The following MSI2 variants were observed in gnomAD, a reference collection of about 807,000 sequenced individuals.
The protein encoded by MSI2 is musashi RNA binding protein 2.
A neutral mutation model predicts 45.6 loss-of-function variants in MSI2; 17 were observed. The ratio of observed to expected loss-of-function variants is 0.37; its 90% CI spans 0.26 to 0.56. The LOEUF (loss-of-function observed/expected upper bound fraction) is 0.56. MSI2 is among the 20% of genes least tolerant of loss of function. MSI2 has a pLI of 0.77. For missense variants in MSI2, 293 were observed against 444.2 expected, an observed-to-expected ratio of 0.66 and a Z score of 3.06; for synonymous variants, 156 against 158.2, an observed-to-expected ratio of 0.99 and a Z score of 0.11.
At chr17:57,437,454 G>A (rs996381607) in intron 6 of MSI2, among the ~76,000 whole-genome samples, 3 of 152,166 alleles carry the variant, frequency 2.0e-5, no homozygotes, top group African/African-American at 7.2e-5. Context: ...GTCATTCCTG[G>A]GGATGATGGT....
the MSI2 span, among the ~76,000 whole-genome samples, chr17:57,696,354 A>G: frequency 6.6e-6 from 1 of 152,214 alleles, no homozygotes; most frequent in Non-Finnish European, 1.5e-5. Context: ...AACCAGAGCA[A>G]TCAAACATTT....
intron 5 of MSI2, among the ~76,000 whole-genome samples, chr17:57,276,224 C>T (rs1311561566): frequency 6.6e-6 from 1 of 152,216 alleles, no homozygotes; most frequent in African/African-American, 2.4e-5. Flanking sequence ...GCAGGTTACA[C>T]ATCCAAGTCC....
At chr17:57,656,962 G>A (rs1911641089) in intron 11 of MSI2, among the ~76,000 whole-genome samples, 1 of 152,212 alleles carries the variant, frequency 6.6e-6, no homozygotes, top group South Asian at 2.1e-4. Context: ...TGAGTGAGTA[G>A]TGCCTGCCTC....
chr17:57,675,820 T>C (rs1864507147), intron 12 of MSI2, among the ~76,000 whole-genome samples: 1 of 152,222 alleles, frequency 6.6e-6, no homozygotes, highest in Non-Finnish European at 1.5e-5. Flanking sequence ...ATATTTGTAA[T>C]GCTCTGTGGT....
chr17:57,435,236 G>A (rs1244024021), intron 6 of MSI2, among the ~76,000 whole-genome samples: 1 of 152,194 alleles, frequency 6.6e-6, no homozygotes, highest in Non-Finnish European at 1.5e-5. Flanking sequence ...GGCCAGCTGT[G>A]TGCAGATATG....
At chr17:57,673,200 C>T (rs149652652) in intron 11 of MSI2, among the ~76,000 whole-genome samples, 238 of 152,302 alleles carry the variant, frequency 1.6e-3, no homozygotes, top group African/African-American at 5.4e-3. Flanking sequence ...GCCTTGGGTG[C>T]CTCATCAATC....
At chr17:57,454,163 A>C (rs1351302060) in intron 6 of MSI2, among the ~76,000 whole-genome samples, 1 of 152,188 alleles carries the variant, frequency 6.6e-6, no homozygotes, top group Non-Finnish European at 1.5e-5. Flanking sequence ...ACATTGGCTC[A>C]GTATGTTATT....
At chr17:57,617,316 T>C (rs906248590) in intron 9 of MSI2, among the ~76,000 whole-genome samples, 2 of 152,146 alleles carry the variant, frequency 1.3e-5, no homozygotes, top group South Asian at 2.1e-4. Flanking sequence ...CTAAAACTTA[T>C]CCCTGGAAGA....
intron 6 of MSI2, among the ~76,000 whole-genome samples, chr17:57,435,046 A>G (rs2084666566): frequency 6.6e-6 from 1 of 152,218 alleles, no homozygotes; most frequent in Non-Finnish European, 1.5e-5. Flanking sequence ...TTTGCTATGA[A>G]GAAAATTTCC....
intron 5 of MSI2, among the ~76,000 whole-genome samples, chr17:57,352,876 C>T (rs762652400): frequency 6.6e-6 from 1 of 152,186 alleles, no homozygotes; most frequent in African/African-American, 2.4e-5. Flanking sequence ...CCCTGCTGGG[C>T]ACTGAGCAAT....
chr17:57,465,349 G>A (rs1353735486), intron 6 of MSI2, among the ~76,000 whole-genome samples: 1 of 151,966 alleles, frequency 6.6e-6, no homozygotes, highest in Non-Finnish European at 1.5e-5. Context: ...ATGAGAGTCA[G>A]CTCACATCAC....
intron 6 of MSI2, among the ~76,000 whole-genome samples, chr17:57,514,285 G>A (rs1239071326): frequency 6.6e-6 from 1 of 152,140 alleles, no homozygotes; most frequent in Admixed American, 6.5e-5. Flanking sequence ...AAGAATTAGG[G>A]TGCAGCAAAT....
At chr17:57,272,481 G>T (rs12601166) in intron 5 of MSI2, among the ~76,000 whole-genome samples, 1 of 152,044 alleles carries the variant, frequency 6.6e-6, no homozygotes, top group Non-Finnish European at 1.5e-5. Context: ...TACAGATCCC[G>T]CCCCTCCAAA....
At chr17:57,562,801 T>A (rs1023195817) in intron 7 of MSI2, among the ~76,000 whole-genome samples, 1 of 152,096 alleles carries the variant, frequency 6.6e-6, no homozygotes, top group African/African-American at 2.4e-5. Flanking sequence ...TTTTCCTTTT[T>A]TAAAAATGCG....
chr17:57,500,039 G>C (rs1252199824), intron 6 of MSI2, among the ~76,000 whole-genome samples: 1 of 152,124 alleles, frequency 6.6e-6, no homozygotes, highest in Admixed American at 6.5e-5. Flanking sequence ...GCTCACCTCG[G>C]GATTGGAGGC....
chr17:57,607,004 C>T (rs1327928036), intron 8 of MSI2, among the ~76,000 whole-genome samples: 1 of 151,960 alleles, frequency 6.6e-6, no homozygotes, highest in Non-Finnish European at 1.5e-5. Flanking sequence ...GCAAGTCATT[C>T]CTTAGAACTT....
intron 6 of MSI2, among the ~76,000 whole-genome samples, chr17:57,499,625 A>G (rs892187452): frequency 1.3e-5 from 2 of 152,248 alleles, no homozygotes; most frequent in Non-Finnish European, 2.9e-5. Flanking sequence ...GGCTTAAAAC[A>G]ACAGCAATCG....
chr17:57,323,208 G>A (rs1464238066), intron 5 of MSI2, among the ~76,000 whole-genome samples: 1 of 152,144 alleles, frequency 6.6e-6, no homozygotes, highest in South Asian at 2.1e-4. Flanking sequence ...CTTGAATCAG[G>A]TGTAGGTCTG....
intron 5 of MSI2, among the ~76,000 whole-genome samples, chr17:57,314,872 G>A (rs1470389510): frequency 3.3e-5 from 5 of 152,082 alleles, no homozygotes; most frequent in Non-Finnish European, 5.9e-5. Context: ...GCCCGGCCGC[G>A]CCTGCGTTTT....
Sources: allele counts gnomAD v4.1 joint callset (sites outside exome capture counted in the v4.1 genomes callset), GRCh38; gene constraint gnomAD v4.1.1; transcripts MANE v1.5; gene names NCBI Gene and HGNC (gene_info 2026-07-23, HGNC 2026-07-21).